SATL1: variants seen among roughly 807,000 people sequenced by gnomAD.
The protein encoded by SATL1 is spermidine/spermine N1-acetyl transferase like 1, also known as spermidine/spermine N(1)-acetyltransferase-like protein 1.
SATL1 carries 47 observed loss-of-function variants against 51.8 expected under a neutral mutation model. That is an observed-to-expected ratio of 0.91 (90% CI 0.72 to 1.16). The LOEUF (loss-of-function observed/expected upper bound fraction) is 1.16. Among genes scored for constraint, SATL1 ranks in the 50% most tolerant of loss-of-function variants. SATL1 has a pLI of 0.00. For missense variants in SATL1, 520 were observed against 526.4 expected, an observed-to-expected ratio of 0.99 and a Z score of 0.12; for synonymous variants, 176 against 182.4, an observed-to-expected ratio of 0.97 and a Z score of 0.28.
Position 85,094,156 on chromosome X carries a change from C to T in SATL1, c.1848G>A (p.Glu616=). The change falls in exon 6 of 8, where the codon GAG becomes GAA. Residue 616 remains glutamate (E), a synonymous_variant. Transcript: ENST00000644105. ...GGTAAGCTTGTGTGACATAAAAGTC[C>T]TCTAGGTAAAGTACCTTGCCAGTCC... ...DSWTGKVLYL[E]DFYVTQAYQG... 8.4e-7 allele frequency: 1 copy of T among 1,185,271 alleles called. No individual in the cohort carries two copies. The highest frequency in any genetic ancestry group is 1.1e-6 in the Non-Finnish European group (1 of 872,888).
intron 2 of SATL1, among the ~76,000 whole-genome samples, chrX:85,213,776 C>T (rs1454633519): frequency 9.0e-6 from 1 of 111,047 alleles, no homozygotes; most frequent in East Asian, 2.8e-4. Context: ...GATATATCAT[C>T]TATGAGGACA....
rs1255747790 is a variant in SATL1, at chrX:85,094,157, T to C, written c.1847A>G (p.Glu616Gly). 1 of 1,188,496 alleles carries C rather than the reference T, an allele frequency of 8.4e-7. No homozygotes were observed. The highest frequency in any genetic ancestry group is 2.3e-4 in the Middle Eastern group (1 of 4,289). ...DSWTGKVLYLEDFYVTQAYQG... is the reference protein window; with the variant it reads ...DSWTGKVLYLGDFYVTQAYQG... ...GTAAGCTTGTGTGACATAAAAGTCC[T>C]CTAGGTAAAGTACCTTGCCAGTCCA... Residue 616 changes from glutamate to glycine, a missense_variant, in exon 6 of 8, where the codon GAG (glutamate) becomes GGG (glycine). Transcript: ENST00000644105.
chrX:85,166,783 C>T (rs1926845088), intron 2 of SATL1, among the ~76,000 whole-genome samples: 1 of 109,617 alleles, frequency 9.1e-6, no homozygotes, highest in East Asian at 2.9e-4. Flanking sequence ...TGGGTATCTA[C>T]CCAGAGGAAA....
intron 2 of SATL1, among the ~76,000 whole-genome samples, chrX:85,159,895 A>G (rs750066943): frequency 2.7e-5 from 3 of 111,462 alleles, no homozygotes; most frequent in Non-Finnish European, 5.7e-5. Flanking sequence ...TCCTGCTGCC[A>G]CCACCCTACG....
At chrX:85,218,140 TA>T (rs11462952) in intron 2 of SATL1, among the ~76,000 whole-genome samples, 21 of 103,741 alleles carry the variant, frequency 2.0e-4, no homozygotes, top group Non-Finnish European at 2.6e-4. Context: ...AGGGAGAAGA[TA>T]AAAAAAAAAC....
chrX:85,123,310 C>T (rs1020019233), intron 2 of SATL1, among the ~76,000 whole-genome samples: 2 of 111,348 alleles, frequency 1.8e-5, no homozygotes, highest in Non-Finnish European at 3.8e-5. Flanking sequence ...CCCCCACAAC[C>T]TCACCAGTGT....
intron 2 of SATL1, among the ~76,000 whole-genome samples, chrX:85,144,450 C>T (rs764831599): frequency 2.4e-4 from 27 of 111,556 alleles, no homozygotes; most frequent in African/African-American, 5.9e-4. Flanking sequence ...CAAACATACT[C>T]GGATACTCAG....
At chrX:85,126,712 C>A (rs1925635653) in intron 2 of SATL1, among the ~76,000 whole-genome samples, 1 of 110,988 alleles carries the variant, frequency 9.0e-6, no homozygotes. Context: ...CACATCTTAT[C>A]AAAATTTTGT....
chrX:85,148,764 C>A (rs772188628), intron 2 of SATL1, among the ~76,000 whole-genome samples: 3 of 111,092 alleles, frequency 2.7e-5, no homozygotes, highest in Non-Finnish European at 5.7e-5. Flanking sequence ...CAAGCAAATG[C>A]TGAGTGATTT....
chrX:85,135,485 A>G (rs1925927986), intron 2 of SATL1, among the ~76,000 whole-genome samples: 1 of 110,524 alleles, frequency 9.0e-6, no homozygotes. Flanking sequence ...TGGTTCTGAG[A>G]AGTACTGCAT....
At chrX:85,162,591 T>A (rs1027357906) in intron 2 of SATL1, among the ~76,000 whole-genome samples, 2 of 111,396 alleles carry the variant, frequency 1.8e-5, no homozygotes, top group African/African-American at 6.5e-5. Flanking sequence ...ATAGAAGTGG[T>A]GAAAGTGTTT....
chrX:85,193,611 A>G (rs756800639), intron 2 of SATL1, among the ~76,000 whole-genome samples: 52 of 111,701 alleles, frequency 4.7e-4, no homozygotes, highest in Middle Eastern at 4.7e-3. Context: ...AGATTATTTC[A>G]TCACTCAGGT....
chrX:85,185,741 C>A (rs1168313258), intron 2 of SATL1, among the ~76,000 whole-genome samples: 1 of 110,923 alleles, frequency 9.0e-6, no homozygotes, highest in East Asian at 2.9e-4. Context: ...CCCTTCTGGT[C>A]CAGGGCAGGA....
chrX:85,117,348 A>T (rs1279421068), intron 2 of SATL1: 2 of 111,661 alleles, frequency 1.8e-5, no homozygotes, highest in Non-Finnish European at 3.8e-5. Flanking sequence ...GCAAGAATTG[A>T]GGTTGTTGCA....
chrX:85,151,371 C>A (rs1790320616), intron 2 of SATL1, among the ~76,000 whole-genome samples: 2 of 111,320 alleles, frequency 1.8e-5, no homozygotes, highest in African/African-American at 6.5e-5. Flanking sequence ...GAATCAATAT[C>A]ATGAAAATGG....
At chrX:85,125,997 A>G (rs1201453836) in intron 2 of SATL1, among the ~76,000 whole-genome samples, 1 of 110,640 alleles carries the variant, frequency 9.0e-6, no homozygotes, top group Non-Finnish European at 1.9e-5. Context: ...TTTAGGGCCA[A>G]AAAGGATTTC....
chrX:85,179,677 C>T (rs771859592), intron 2 of SATL1, among the ~76,000 whole-genome samples: 1 of 110,839 alleles, frequency 9.0e-6, no homozygotes, highest in Admixed American at 9.7e-5. Flanking sequence ...TACCATATGC[C>T]ATATTTTCCT....
chrX:85,241,617 T>C (rs927543496), intron 1 of SATL1, among the ~76,000 whole-genome samples: 3 of 111,926 alleles, frequency 2.7e-5, no homozygotes, highest in Non-Finnish European at 5.6e-5. Context: ...AGGACATATG[T>C]TGAATGGTCT....
intron 2 of SATL1, among the ~76,000 whole-genome samples, chrX:85,223,846 T>C (rs1233780693): frequency 9.0e-6 from 1 of 110,971 alleles, no homozygotes; most frequent in Non-Finnish European, 1.9e-5. Context: ...CTTGAACCTA[T>C]AGAGACAAAA....
Sources: allele counts gnomAD v4.1 joint callset (sites outside exome capture counted in the v4.1 genomes callset), GRCh38; gene constraint gnomAD v4.1.1; transcripts MANE v1.5; gene names NCBI Gene and HGNC (gene_info 2026-07-23, HGNC 2026-07-21).